The following GRM7 variants were observed in gnomAD, a reference collection of about 807,000 sequenced individuals.
GRM7 encodes glutamate metabotropic receptor 7.
Under a neutral mutation model 84.5 loss-of-function variants are expected in GRM7, and 35 were observed. The ratio of observed to expected loss-of-function variants is 0.41; its 90% CI spans 0.32 to 0.55. The LOEUF is 0.55. Ranked by LOEUF, GRM7 falls within the 20% of genes least tolerant of loss-of-function variation. The probability of loss-of-function intolerance (pLI) is 0.19; values close to 1 mark genes in which losing one functional copy is unlikely to be tolerated. For synonymous variants in GRM7, 487 were observed against 455.1 expected, an observed-to-expected ratio of 1.07 and a Z score of -0.89; for missense variants, 1,003 against 1,194.6, an observed-to-expected ratio of 0.84 and a Z score of 2.36.
intron 8 of GRM7, among the ~76,000 whole-genome samples, chr3:7,629,993 T>C (rs1431955674): frequency 6.6e-6 from 1 of 152,250 alleles, no homozygotes; most frequent in East Asian, 1.9e-4. Flanking sequence ...TAGTTTAATA[T>C]GAATTAATCA....
At chr3:7,103,949 A>G (rs1026255378) in intron 1 of GRM7, among the ~76,000 whole-genome samples, 3 of 150,896 alleles carry the variant, frequency 2.0e-5, no homozygotes, top group Non-Finnish European at 3.0e-5. Flanking sequence ...TTTGTAGACA[A>G]TGTTGTTAAT....
chr3:7,439,272 G>C (rs1012398396), intron 5 of GRM7, among the ~76,000 whole-genome samples: 69 of 152,272 alleles, frequency 4.5e-4, no homozygotes, highest in African/African-American at 1.6e-3. Context: ...GCTGGAGATA[G>C]TGTTTCTCTT....
chr3:6,951,092 C>T (rs899433889), intron 1 of GRM7, among the ~76,000 whole-genome samples: 1 of 152,150 alleles, frequency 6.6e-6, no homozygotes. Context: ...GAACCCAGTA[C>T]CTCAGTTGTA....
intron 2 of GRM7, among the ~76,000 whole-genome samples, chr3:7,292,051 C>T (rs1364841189): frequency 6.6e-6 from 1 of 152,172 alleles, no homozygotes; most frequent in East Asian, 1.9e-4. Context: ...GATCGTGAGG[C>T]CTCCACAGCC....
chr3:7,683,032 C>A (rs928624977), intron 9 of GRM7, among the ~76,000 whole-genome samples: 1 of 152,218 alleles, frequency 6.6e-6, no homozygotes, highest in Non-Finnish European at 1.5e-5. Context: ...TCAACCCACG[C>A]TTGTTCCTCT....
At chr3:7,609,595 A>C (rs888180666) in intron 8 of GRM7, among the ~76,000 whole-genome samples, 4 of 151,868 alleles carry the variant, frequency 2.6e-5, no homozygotes, top group African/African-American at 7.3e-5. Flanking sequence ...ATGTGGGGTT[A>C]GAAGCTGGTG....
intron 4 of GRM7, among the ~76,000 whole-genome samples, chr3:7,408,743 T>G (rs1318520911): frequency 6.6e-6 from 1 of 152,188 alleles, no homozygotes; most frequent in Non-Finnish European, 1.5e-5. Flanking sequence ...GCGCAGCACA[T>G]GGCATAGAGT....
intron 7 of GRM7, among the ~76,000 whole-genome samples, chr3:7,498,114 G>T (rs1699765555): frequency 6.6e-6 from 1 of 152,178 alleles, no homozygotes; most frequent in African/African-American, 2.4e-5. Flanking sequence ...AAAATAGCCT[G>T]TTGGGGTTCT....
chr3:7,572,677 C>A (rs942228552), intron 7 of GRM7, among the ~76,000 whole-genome samples: 1 of 150,270 alleles, frequency 6.7e-6, no homozygotes, highest in Non-Finnish European at 1.5e-5. Flanking sequence ...AAAAAATTAG[C>A]CAGGCATGGG....
rs148304655 is a variant in GRM7 at position 7,183,455 on chromosome 3, C to T, written c.736+36787C>T. On this transcript the variant is annotated intron_variant, in intron 2 of 9. Transcript: ENST00000357716. The stretch of plus-strand genomic sequence containing the variant: ...CAGCCGGGCTAATGTGGTGAAACCC[C>T]GTCCCTACTAAAAATACAAAAACTA... Among the ~76,000 whole-genome samples the T allele has an allele frequency of 5.3e-4, 80 of 152,014 alleles. No individual in the cohort carries two copies. In the East Asian group the frequency reaches 7.6e-3, roughly 14 times the overall value.
At chr3:7,418,824 G>T (rs887018821) in intron 5 of GRM7, among the ~76,000 whole-genome samples, 3 of 152,302 alleles carry the variant, frequency 2.0e-5, no homozygotes, top group African/African-American at 7.2e-5. Context: ...GAATCAAAAA[G>T]ATCTAAGCTT....
At chr3:7,483,819 G>A (rs1475872898) in intron 7 of GRM7, among the ~76,000 whole-genome samples, 3 of 151,622 alleles carry the variant, frequency 2.0e-5, no homozygotes, top group Non-Finnish European at 4.4e-5. Context: ...GTTATATATT[G>A]TATATGGAAT....
At chr3:7,370,220 C>T (rs1694074653) in intron 4 of GRM7, among the ~76,000 whole-genome samples, 1 of 152,096 alleles carries the variant, frequency 6.6e-6, no homozygotes, top group Admixed American at 6.6e-5. Flanking sequence ...TTACTACAAA[C>T]TAGTAAATTA....
intron 1 of GRM7, among the ~76,000 whole-genome samples, chr3:7,133,447 G>A (rs1158811191): frequency 1.3e-5 from 2 of 152,162 alleles, no homozygotes; most frequent in Non-Finnish European, 2.9e-5. Flanking sequence ...CTAGGCCAGG[G>A]TACTGCCACA....
intron 3 of GRM7, among the ~76,000 whole-genome samples, chr3:7,302,581 A>T (rs1265875668): frequency 6.6e-6 from 1 of 152,130 alleles, no homozygotes. Flanking sequence ...GTGCCTTGAT[A>T]TGATTCTATG....
chr3:7,317,480 A>T (rs1700624702), intron 4 of GRM7, among the ~76,000 whole-genome samples: 1 of 152,100 alleles, frequency 6.6e-6, no homozygotes, highest in African/African-American at 2.4e-5. Flanking sequence ...AGAAACTTAA[A>T]TGAGGCAGGT....
intron 4 of GRM7, among the ~76,000 whole-genome samples, chr3:7,405,791 A>T (rs928386736): frequency 1.6e-4 from 25 of 152,060 alleles, no homozygotes; most frequent in African/African-American, 5.6e-4. Context: ...ATAAGGAATT[A>T]AAAAACGTGA....
At chr3:6,979,938 G>A (rs1694133777) in intron 1 of GRM7, among the ~76,000 whole-genome samples, 1 of 152,040 alleles carries the variant, frequency 6.6e-6, no homozygotes, top group Non-Finnish European at 1.5e-5. Flanking sequence ...TCTGTGAGGG[G>A]TAACATTCTA....
At chr3:7,262,099 C>T in intron 2 of GRM7, among the ~76,000 whole-genome samples, 1 of 143,482 alleles carries the variant, frequency 7.0e-6, no homozygotes. Context: ...TTGCCTTTGA[C>T]TTTTTTTTTT....
Sources: allele counts gnomAD v4.1 joint callset (sites outside exome capture counted in the v4.1 genomes callset), GRCh38; gene constraint gnomAD v4.1.1; transcripts MANE v1.5; gene names NCBI Gene and HGNC (gene_info 2026-07-23, HGNC 2026-07-21).